Variants in EIF4A2 observed in about 807,000 individuals in gnomAD.
EIF4A2 encodes the protein eukaryotic translation initiation factor 4A2.
In EIF4A2, 9 loss-of-function variants were observed where a neutral mutation model predicts 50.6. That is an observed-to-expected ratio of 0.18 (90% CI 0.11 to 0.31). EIF4A2 has a LOEUF of 0.31. Ranked by LOEUF, EIF4A2 falls within the 10% of genes least tolerant of loss-of-function variation. EIF4A2 has a pLI of 1.00. For missense variants in EIF4A2, 182 were observed against 501.8 expected (o/e 0.36, Z 6.09); for synonymous variants, 215 against 164.4 (o/e 1.31, Z -2.35).
chr3:186,786,292 C>A lies in EIF4A2; in HGVS notation c.627+19C>A, dbSNP rs369523658. 16 of 1,603,464 alleles carry A rather than the reference C, an allele frequency of 1.0e-5. No individual in the cohort carries two copies. In the South Asian group the frequency reaches 1.3e-4, roughly 13 times the overall value. On this transcript the variant is annotated intron_variant, in intron 6 of 10. Transcript: ENST00000323963. ...TATTCAGGTAAGCATTACTTCACCC[C>A]CCTCTTAAAGGTAGAGATGGGGTTT...
chr3:186,785,510 T>C (rs1022997443), intron 4 of EIF4A2: 6 of 295,468 alleles, frequency 2.0e-5, no homozygotes, highest in Admixed American at 1.9e-4. Flanking sequence ...GTAGGCTTTA[T>C]TGAGGTCAGG....
chr3:186,785,665 G>GGAGC, intron 4 of EIF4A2: 1 of 516,790 alleles, frequency 1.9e-6, no homozygotes, highest in Non-Finnish European at 3.4e-6. Flanking sequence ...GCTGATGCGT[G>GGAGC]GAGCAGCAGC....
chr3:186,784,245 C>T (rs942674081), intron 1 of EIF4A2, 187 bp from the exon 2 acceptor site: 26 of 818,952 alleles, frequency 3.2e-5, no homozygotes, highest in Non-Finnish European at 4.0e-5. Context: ...GGGGGGCTGC[C>T]TTTCCGGGCA....
In EIF4A2 at chr3:186,789,477, TGG is replaced by T. The variant is rs957564153; in HGVS notation, c.*211_*212del. The T allele has an allele frequency of 1.3e-5, 7 of 530,814 alleles. No homozygotes were observed. The African/African-American group carries it at 1.4e-4, about 10-fold the overall frequency. The allele number at this position is 530,814 out of a possible 1,614,324, so 32.9% of individuals were successfully genotyped here. Reference sequence around the variant, plus strand: ...TTTATCCTCTTTAGAGTTAGACTGTTGGGGTGGGTATAAAAGATGGGGTCTGT... The same window carrying T: ...TTTATCCTCTTTAGAGTTAGACTGTTGGTGGGTATAAAAGATGGGGTCTGT... On this transcript the variant is annotated 3_prime_UTR_variant, in exon 11 of 11. Transcript: ENST00000323963.
chr3:186,784,114 C>T (rs1289134974), intron 1 of EIF4A2: 3 of 495,108 alleles, frequency 6.1e-6, no homozygotes, highest in South Asian at 4.5e-5. Flanking sequence ...GCATCGCCCT[C>T]GCCAGGCCGC....
intron 10 of EIF4A2, 150 bp from the exon 11 acceptor site, chr3:186,788,975 A>T: frequency 1.8e-6 from 2 of 1,120,874 alleles, no homozygotes; most frequent in Non-Finnish European, 2.4e-6. Flanking sequence ...TTTTTTCTCT[A>T]GATATGCATT....
chr3:186,787,025 T>G (rs553982170), intron 7 of EIF4A2, 102 bp from the exon 8 acceptor site: 1 of 1,473,168 alleles, frequency 6.8e-7, no homozygotes, highest in Non-Finnish European at 9.2e-7. Flanking sequence ...CCCAAAGGGC[T>G]GGGATTACAG....
At position 186,789,113 on chromosome 3, in the gene EIF4A2, T is replaced by C. The variant is rs778852746; in HGVS notation, c.1080-12T>C. On this transcript the variant is annotated splice_polypyrimidine_tract_variant and intron_variant, in intron 10 of 10. Coordinates refer to ENST00000323963, the MANE Select transcript of EIF4A2 (RefSeq NM_001967.4). The stretch of plus-strand genomic sequence containing the variant: ...TGTGAGAAGTAACGTTCTGATTCTT[T>C]TTCTTACACAGAATTGGCAGAGGGG... 1.9e-6 allele frequency: 3 copies of C among 1,611,380 alleles called. No individual in the cohort carries two copies. The highest frequency in any genetic ancestry group is 1.1e-5 in the South Asian group (1 of 90,768).
intron 4 of EIF4A2, 105 bp downstream of exon 4, chr3:186,785,206 C>G: frequency 6.6e-7 from 1 of 1,505,474 alleles, no homozygotes; most frequent in Non-Finnish European, 8.9e-7. Context: ...CTACCAGATC[C>G]CTCCTTTTAA....
At chr3:186,784,221 A>T (rs912262200) in intron 1 of EIF4A2, 1 of 656,236 alleles carries the variant, frequency 1.5e-6, no homozygotes, top group African/African-American at 1.8e-5. Flanking sequence ...CGGGATCGCC[A>T]TGCGCTCGGG....
In EIF4A2 at chr3:186,785,118, T is replaced by G. The variant is rs748819825; in HGVS notation, c.348+17T>G. ...GCTCAACAGGTATTGATAGTGTAGT[T>G]CAAAAAAACTGCTTGCGTGTTGCAT... On this transcript the variant is annotated intron_variant, in intron 4 of 10. Coordinates refer to ENST00000323963, the MANE Select transcript of EIF4A2 (RefSeq NM_001967.4). 4 of 1,611,630 alleles carry G rather than the reference T, an allele frequency of 2.5e-6. No individual in the cohort carries two copies. The highest frequency in any genetic ancestry group is 2.2e-5 in the East Asian group (1 of 44,866).
intron 4 of EIF4A2, 31 bp from the exon 5 acceptor site, chr3:186,785,852 T>C: frequency 6.3e-7 from 1 of 1,577,572 alleles, no homozygotes; most frequent in East Asian, 2.3e-5. Context: ...CCTGGAGTTC[T>C]GCGGAATAAT....
rs999703889 is a variant in EIF4A2, at chr3:186,789,395, C to T, written c.*126C>T. The stretch of plus-strand genomic sequence containing the variant: ...CAATGCTCATAACGGATCAGAAATA[C>T]AGATTTTGATAGCAAAGCGACGTTA... On this transcript the variant is annotated 3_prime_UTR_variant, in exon 11 of 11. Transcript: ENST00000323963. The T allele has an allele frequency of 7.3e-7, 1 of 1,361,608 alleles. No individual in the cohort carries two copies. 84.3% of individuals were successfully genotyped at this position (1,361,608 alleles called of 1,614,324 possible). A position where few individuals can be genotyped will look rare whatever the true frequency, so the allele number is the denominator to read the frequency against.
rs967365723 is a variant in EIF4A2 at position 186,789,679 on chromosome 3, A to G, written c.*410A>G. ...TATTGTGTTTGTCATTAGCCTGAGT[A>G]GAAAGGCCTTTAAAATTTTTTTAGA... On this transcript the variant is annotated 3_prime_UTR_variant, in exon 11 of 11. Transcript: ENST00000323963. The G allele has an allele frequency of 2.7e-6, 1 of 371,122 alleles. No individual in the cohort carries two copies. The highest frequency in any genetic ancestry group is 2.1e-5 in the African/African-American group (1 of 47,880). The allele number at this position is 371,122 out of a possible 1,614,324, so 23.0% of individuals were successfully genotyped here. A position where few individuals can be genotyped will look rare whatever the true frequency, so the allele number is the denominator to read the frequency against.
At chr3:186,784,813 T>A (rs377425549) in intron 3 of EIF4A2, 117 bp downstream of exon 3, 3 of 1,600,072 alleles carry the variant, frequency 1.9e-6, no homozygotes, top group African/African-American at 2.7e-5. Context: ...ATGATGGCAA[T>A]CATCTTTCGG....
chr3:186,787,399 C>G (rs781015433), intron 8 of EIF4A2, 96 bp from the exon 9 acceptor site: 2 of 1,600,032 alleles, frequency 1.2e-6, no homozygotes. Context: ...TGCTATTCTC[C>G]TGTAGCAGCC....
At chr3:186,788,640 G>T in intron 10 of EIF4A2, 1 of 235,804 alleles carries the variant, frequency 4.2e-6, no homozygotes. Flanking sequence ...TGATAAGTTT[G>T]GGTTACCATA....
rs754746052 is a variant in EIF4A2, at chr3:186,787,396, C to A, written c.910-99C>A. The A allele has an allele frequency of 1.4e-5, 22 of 1,598,476 alleles. No individual in the cohort carries two copies. In the Admixed American group the frequency reaches 3.3e-4, roughly 24 times the overall value. On this transcript the variant is annotated intron_variant, in intron 8 of 10. Coordinates refer to ENST00000323963, the MANE Select transcript of EIF4A2 (RefSeq NM_001967.4). ...TTCTTAACTATACCTGTCTGCTATT[C>A]TCCTGTAGCAGCCAGGGACGCTTGG...
chr3:186,786,870 T>A (rs1721755149), intron 7 of EIF4A2: 1 of 876,496 alleles, frequency 1.1e-6, no homozygotes, highest in South Asian at 1.4e-5. Flanking sequence ...CCTAACAGAA[T>A]GAAGTTAATT....
Sources: allele counts gnomAD v4.1 joint callset, GRCh38; gene constraint gnomAD v4.1.1; transcripts MANE v1.5; gene names NCBI Gene and HGNC (gene_info 2026-07-23, HGNC 2026-07-21).